Variants in ANKRD50 observed in about 807,000 individuals in gnomAD.
ANKRD50 encodes the protein ankyrin repeat domain 50, also known as ankyrin repeat domain-containing protein 50.
A neutral mutation model predicts 112.0 loss-of-function variants in ANKRD50; 40 were observed. That is an observed-to-expected ratio of 0.36 (90% CI 0.28 to 0.46). The LOEUF is 0.46. Among genes scored for constraint, ANKRD50 ranks in the 20% least tolerant of loss-of-function variants. ANKRD50 has a pLI of 1.00. For synonymous variants in ANKRD50, 613 were observed against 619.1 expected (o/e 0.99, Z 0.15); for missense variants, 1,487 against 1,701.7 (o/e 0.87, Z 2.22).
intron 2 of ANKRD50, among the ~76,000 whole-genome samples, chr4:124,700,228 A>G (rs1457547905): frequency 1.3e-5 from 2 of 152,238 alleles, no homozygotes; most frequent in Admixed American, 6.5e-5. Flanking sequence ...TCAGAACATA[A>G]TAAGGGCAAT....
At chr4:124,711,427 T>C (rs973238171) in intron 1 of ANKRD50, among the ~76,000 whole-genome samples, 153 bp from the exon 2 acceptor site, 7 of 152,218 alleles carry the variant, frequency 4.6e-5, no homozygotes, top group Non-Finnish European at 8.8e-5. Context: ...CAAAAACCAC[T>C]GAAATAATCA....
chr4:124,711,936 G>C (rs898826264), intron 1 of ANKRD50, among the ~76,000 whole-genome samples: 2 of 152,194 alleles, frequency 1.3e-5, no homozygotes, highest in African/African-American at 4.8e-5. Context: ...AGACAGGAAA[G>C]GGATAAAGAG....
intron 2 of ANKRD50, among the ~76,000 whole-genome samples, chr4:124,689,408 C>T (rs1189403694): frequency 6.6e-6 from 1 of 152,046 alleles, no homozygotes; most frequent in Non-Finnish European, 1.5e-5. Context: ...TGACAGGGTG[C>T]CCAGACATTT....
rs1190418020 is a variant in ANKRD50, at chr4:124,710,251, A to C, written c.261T>G (p.Cys87Trp). ...GTGAACTTGGCCATAAGAGTTCAGT[A>C]CATAGGGCCGTCTTGCCACTGCCAG... ...GGPGSGKTAL[C>W]TELLWPSSPA... Residue 87 changes from cysteine to tryptophan, a missense_variant, in exon 2 of 5, where the codon TGT (cysteine) becomes TGG (tryptophan). Coordinates refer to ENST00000504087, the MANE Select transcript of ANKRD50 (RefSeq NM_020337.3). 4 of 1,614,240 alleles carry C rather than the reference A, an allele frequency of 2.5e-6. No individual in the cohort carries two copies. Among genetic ancestry groups the C allele is most frequent in the Non-Finnish European group, 3.4e-6 (4 of 1,180,042 alleles).
chr4:124,677,900 A>ACG (rs1363261648), intron 3 of ANKRD50, among the ~76,000 whole-genome samples: 7 of 152,090 alleles, frequency 4.6e-5, no homozygotes, highest in African/African-American at 1.7e-4. Context: ...ACTAAATGCT[A>ACG]CGTTAAGTGT....
At chr4:124,701,244 T>C (rs1725383119) in intron 2 of ANKRD50, among the ~76,000 whole-genome samples, 1 of 152,114 alleles carries the variant, frequency 6.6e-6, no homozygotes, top group Non-Finnish European at 1.5e-5. Flanking sequence ...ATTACAGGCG[T>C]GAGCCACCAC....
chr4:124,671,116 C>G lies in ANKRD50; in HGVS notation c.2161G>C (p.Val721Leu). The stretch of plus-strand genomic sequence containing the variant: ...GATGCGTGCCCTTTACTTGCAGGCA[C>G]ACAAAGTGCAGCTACAGAGAGTGCA... ...RTALSVAALC[V>L]PASKGHASVV... The change falls in exon 4 of 5, where the codon GTG becomes CTG. Residue 721 changes from valine to leucine, a missense_variant. Physicochemically the swap from Val to Leu is conservative, Grantham distance 32 (BLOSUM62 1). This residue lies in a region of ANKRD50 where 1,046 missense variants were observed against 1,269.5 expected (regional missense o/e 0.82). Coordinates refer to ENST00000504087, the MANE Select transcript of ANKRD50 (RefSeq NM_020337.3). The G allele has an allele frequency of 1.2e-6, 2 of 1,613,832 alleles. No homozygotes were observed. Among genetic ancestry groups the G allele is most frequent in the Non-Finnish European group, 1.7e-6 (2 of 1,179,850 alleles).
In ANKRD50 at chr4:124,671,909, T is replaced by G. The variant is rs1213410570; in HGVS notation, c.1368A>C (p.Ala456=). 2 of 1,613,902 alleles carry G rather than the reference T, an allele frequency of 1.2e-6. No homozygotes were observed. The highest frequency in any genetic ancestry group is 2.2e-5 in the East Asian group (1 of 44,856). The stretch of plus-strand genomic sequence containing the variant: ...GTAAGTTTGAGTTAATTAAGTGCAA[T>G]GCAAATTCTTGTGCTTCCAATGGTG... The part of the protein sequence containing the change: ...NLTPLEAQEF[A]LHLINSNLQL... The change falls in exon 4 of 5, where the codon GCA becomes GCC. Residue 456 remains alanine (A), a synonymous_variant. Coordinates refer to ENST00000504087, the MANE Select transcript of ANKRD50 (RefSeq NM_020337.3).
intron 2 of ANKRD50, among the ~76,000 whole-genome samples, chr4:124,683,918 TTC>T (rs1491249453): frequency 1.3e-5 from 2 of 150,410 alleles, no homozygotes; most frequent in Non-Finnish European, 3.0e-5. Flanking sequence ...TTTTTTTTTT[TTC>T]CATTTATAGC....
In ANKRD50 at chr4:124,670,398, G is replaced by A; in HGVS notation, c.2879C>T (p.Thr960Ile). The change falls in exon 4 of 5, where the codon ACA becomes ATA. Residue 960 changes from threonine to isoleucine, a missense_variant. Thr to Ile is a moderately conservative substitution (Grantham distance 89). Coordinates refer to ENST00000504087, the MANE Select transcript of ANKRD50 (RefSeq NM_020337.3). ...ATTTTCTAAAAAATATTCGGCCATT[G>A]TAAGCTGATTTTCTAAGGCCAAGAT... ...LYILALENQLTMAEYFLENGA... is the reference protein window; with the variant it reads ...LYILALENQLIMAEYFLENGA... 2 of 1,613,878 alleles carry A rather than the reference G, an allele frequency of 1.2e-6. No individual in the cohort carries two copies. The highest frequency in any genetic ancestry group is 1.7e-6 in the Non-Finnish European group (2 of 1,179,900).
rs200031453 is a variant in ANKRD50 at position 124,670,729 on chromosome 4, G to A, written c.2548C>T (p.Pro850Ser). The change falls in exon 4 of 5, where the codon CCT becomes TCT. Residue 850 changes from proline (P) to serine (S), a missense_variant. Coordinates refer to ENST00000504087, the MANE Select transcript of ANKRD50 (RefSeq NM_020337.3). ...CCTTCAAAAGCTGCCATGTGCAAAG[G>A]TGTCCATCCAGCATCATCTCTGTGA... ...ENHRDDAGWT[P>S]LHMAAFEGHR... 106 of 1,613,518 alleles carry A rather than the reference G, an allele frequency of 6.6e-5. No homozygotes were observed. The highest frequency in any genetic ancestry group is 8.8e-5 in the Non-Finnish European group (104 of 1,179,818).
At chr4:124,690,441 C>A (rs1725109879) in intron 2 of ANKRD50, among the ~76,000 whole-genome samples, 2 of 152,198 alleles carry the variant, frequency 1.3e-5, no homozygotes, top group African/African-American at 2.4e-5. Context: ...TGAGAAAAGT[C>A]TTTTTTAATA....
intron 2 of ANKRD50, among the ~76,000 whole-genome samples, chr4:124,681,269 A>C (rs1724879381): frequency 6.6e-6 from 1 of 152,140 alleles, no homozygotes; most frequent in Non-Finnish European, 1.5e-5. Context: ...TTCTCACATT[A>C]ATTCTTTAAG....
intron 2 of ANKRD50, among the ~76,000 whole-genome samples, chr4:124,706,257 G>A (rs964153223): frequency 2.0e-5 from 3 of 151,880 alleles, no homozygotes; most frequent in Non-Finnish European, 4.4e-5. Context: ...TGCTTCAAAC[G>A]GAGAACACTC....
rs550392767 is a variant in ANKRD50 at position 124,710,438 on chromosome 4, C to G, written c.74G>C (p.Cys25Ser). 1.9e-6 allele frequency: 3 copies of G among 1,614,194 alleles called. No individual in the cohort carries two copies. Among genetic ancestry groups the G allele is most frequent in the Admixed American group, 1.7e-5 (1 of 60,028 alleles). Residue 25 changes from cysteine (C) to serine (S), a missense_variant, in exon 2 of 5, where the codon TGT (cysteine) becomes TCT (serine). Around this residue, in one of 2 missense-constraint regions of ANKRD50, gnomAD observed 1,046 missense variants for 1,269.5 expected, o/e 0.82. Transcript: ENST00000504087. ...AAGCTTGTGGAAAACCCACTCCCTACAGTAAAACTGCTTCCCTTGCAGTAA... is the reference window on the plus strand; with the variant it reads ...AAGCTTGTGGAAAACCCACTCCCTAGAGTAAAACTGCTTCCCTTGCAGTAA... Reference protein sequence around the residue: ...TSLLQGKQFYCREWVFHKLQH... With the variant: ...TSLLQGKQFYSREWVFHKLQH...
At chr4:124,678,030 G>A (rs1196592535) in intron 3 of ANKRD50, among the ~76,000 whole-genome samples, 1 of 152,064 alleles carries the variant, frequency 6.6e-6, no homozygotes, top group East Asian at 1.9e-4. Context: ...GAATTGAAGA[G>A]AGACAACCTG....
intron 2 of ANKRD50, among the ~76,000 whole-genome samples, chr4:124,684,898 C>T (rs367844164): frequency 6.6e-6 from 1 of 152,046 alleles, no homozygotes; most frequent in Non-Finnish European, 1.5e-5. Flanking sequence ...CTTTTTCCCC[C>T]CCATTCAGGA....
In ANKRD50 at chr4:124,692,912, G is replaced by A. The variant is rs17008483; in HGVS notation, c.513-14007C>T. ...AGTATGTAGAAGCACGATCTCTATG[G>A]ATTTACCCATTTATCCCTCACCCAA... On this transcript the variant is annotated intron_variant, in intron 2 of 4. Coordinates refer to ENST00000504087, the MANE Select transcript of ANKRD50 (RefSeq NM_020337.3). Among the ~76,000 whole-genome samples the A allele has an allele frequency of 1.7e-3, 265 of 152,220 alleles. 4 individuals carry two copies. The East Asian group carries it at 0.027, about 15-fold the overall frequency.
chr4:124,682,230 G>GGC (rs1724905523), intron 2 of ANKRD50, among the ~76,000 whole-genome samples: 2 of 150,706 alleles, frequency 1.3e-5, no homozygotes, highest in Admixed American at 1.3e-4. Flanking sequence ...GCAGGAGAAT[G>GGC]GCGTGAACCC....
Sources: gnomAD v4.1 joint callset for allele counts (sites outside exome capture counted in the v4.1 genomes callset) on GRCh38, gnomAD v4.1.1 for gene constraint, gnomAD v4.1.1 regional missense constraint, MANE v1.5 for transcripts, NCBI Gene and HGNC (gene_info 2026-07-23, HGNC 2026-07-21) for gene names.